Variants in DGKI observed in about 807,000 individuals in gnomAD.
DGKI encodes the protein DAG kinase iota.
Under a neutral mutation model 147.5 loss-of-function variants are expected in DGKI, and 55 were observed. The observed-to-expected ratio is 0.37, with a 90% CI of 0.30 to 0.47. The LOEUF (loss-of-function observed/expected upper bound fraction) is 0.47, where lower values mean the gene tolerates loss of function less well. Among genes scored for constraint, DGKI ranks in the 20% least tolerant of loss-of-function variants. DGKI has a pLI of 1.00. For synonymous variants in DGKI, 469 were observed against 477.1 expected, an observed-to-expected ratio of 0.98 and a Z score of 0.22; for missense variants, 1,007 against 1,323.8, an observed-to-expected ratio of 0.76 and a Z score of 3.71.
chr7:137,489,158 TGTGA>T (rs1189130801), intron 21 of DGKI, among the ~76,000 whole-genome samples: 1 of 152,164 alleles, frequency 6.6e-6, no homozygotes, highest in African/African-American at 2.4e-5. Flanking sequence ...TATGGAAGCC[TGTGA>T]GTGAGTGTGG....
chr7:137,469,457 T>A, intron 24 of DGKI, 93 bp downstream of exon 24: 1 of 1,301,586 alleles, frequency 7.7e-7, no homozygotes, highest in Non-Finnish European at 1.1e-6. Context: ...TTCTGAATAA[T>A]CTTTTGGAAA....
At chr7:137,552,125 G>T (rs538532160) in intron 20 of DGKI, among the ~76,000 whole-genome samples, 1 of 152,276 alleles carries the variant, frequency 6.6e-6, no homozygotes, top group South Asian at 2.1e-4. Flanking sequence ...TTCTCAAGTG[G>T]TCAGTGAAGA....
intron 5 of DGKI, among the ~76,000 whole-genome samples, chr7:137,646,139 T>A (rs189969508): frequency 1.8e-4 from 27 of 152,228 alleles, no homozygotes; most frequent in African/African-American, 6.0e-4. Context: ...ATATCCAGGT[T>A]CAATTTAACA....
At chr7:137,509,833 C>T (rs759058878) in intron 21 of DGKI, among the ~76,000 whole-genome samples, 27 of 152,172 alleles carry the variant, frequency 1.8e-4, no homozygotes, top group Non-Finnish European at 3.7e-4. Flanking sequence ...CCCATCGAAG[C>T]CCAGCCCACA....
intron 1 of DGKI, among the ~76,000 whole-genome samples, chr7:137,716,585 C>T (rs1018750344): frequency 1.3e-5 from 2 of 152,246 alleles, no homozygotes; most frequent in South Asian, 2.1e-4. Context: ...TAAAAGTAAA[C>T]AATAATGTAG....
chr7:137,581,261 C>T (rs1018876483), intron 15 of DGKI, among the ~76,000 whole-genome samples: 2 of 152,102 alleles, frequency 1.3e-5, no homozygotes, highest in Admixed American at 1.3e-4. Flanking sequence ...CTCATTCACA[C>T]CTCTGTATCA....
chr7:137,383,489 C>A lies in DGKI; in HGVS notation c.*7731G>T, dbSNP rs1448356306. 6.6e-6 allele frequency: 1 copy of A among 151,682 alleles called. No homozygotes were observed. Among genetic ancestry groups the A allele is most frequent in the Non-Finnish European group, 1.5e-5 (1 of 67,832 alleles). 9.4% of individuals were successfully genotyped at this position (151,682 alleles called of 1,614,324 possible). A position where few individuals can be genotyped will look rare whatever the true frequency, so the allele number is the denominator to read the frequency against. The stretch of plus-strand genomic sequence containing the variant: ...GAAAAAAATAGGCTCAAATTGAGTT[C>A]TGTTCCAGTCTAAAATTATAGACAT... On this transcript the variant is annotated 3_prime_UTR_variant, in exon 33 of 33. Transcript: ENST00000614521.
intron 1 of DGKI, among the ~76,000 whole-genome samples, chr7:137,824,643 A>G (rs1192464781): frequency 2.0e-5 from 3 of 152,074 alleles, no homozygotes; most frequent in Admixed American, 6.5e-5. Context: ...TTGGTTGTAC[A>G]GATTATTTTC....
chr7:137,513,005 A>T (rs1816628869), intron 21 of DGKI, among the ~76,000 whole-genome samples: 1 of 152,184 alleles, frequency 6.6e-6, no homozygotes, highest in South Asian at 2.1e-4. Context: ...GAATTCAATC[A>T]TCCATTTCCA....
chr7:137,553,660 T>C (rs557057762), intron 19 of DGKI, among the ~76,000 whole-genome samples: 1 of 152,350 alleles, frequency 6.6e-6, no homozygotes, highest in South Asian at 2.1e-4. Flanking sequence ...TTATACAGTT[T>C]AATAAATATT....
chr7:137,529,226 A>G (rs1169933951), intron 20 of DGKI, among the ~76,000 whole-genome samples: 1 of 152,188 alleles, frequency 6.6e-6, no homozygotes, highest in East Asian at 1.9e-4. Flanking sequence ...TAATGGGTAC[A>G]ACATATGCTA....
Position 137,383,421 on chromosome 7 carries a change from T to TA in DGKI, c.*7798dup, listed in dbSNP as rs1326182164. 1 of 151,746 alleles carries TA rather than the reference T, an allele frequency of 6.6e-6. No individual in the cohort carries two copies. The highest frequency in any genetic ancestry group is 1.5e-5 in the Non-Finnish European group (1 of 67,860). The allele number at this position is 151,746 out of a possible 1,614,324, so 9.4% of individuals were successfully genotyped here. A position where few individuals can be genotyped will look rare whatever the true frequency, so the allele number is the denominator to read the frequency against. On this transcript the variant is annotated 3_prime_UTR_variant, in exon 33 of 33. Transcript: ENST00000614521. ...ATATTTGCAATGATGGAAGCTTTTT[T>TA]AAAAAATGCCTTCATTGCTATCTAG...
chr7:137,541,791 C>T (rs978182856), intron 20 of DGKI, among the ~76,000 whole-genome samples: 2 of 151,498 alleles, frequency 1.3e-5, no homozygotes, highest in Non-Finnish European at 2.9e-5. Context: ...AAATAGAAAA[C>T]CTATAAAACT....
intron 12 of DGKI, among the ~76,000 whole-genome samples, chr7:137,590,073 A>C (rs1000049799): frequency 1.3e-5 from 2 of 152,142 alleles, no homozygotes; most frequent in African/African-American, 4.8e-5. Flanking sequence ...GGCCAGAAAA[A>C]AAATACAAAG....
At chr7:137,632,702 C>A (rs959878870) in intron 6 of DGKI, among the ~76,000 whole-genome samples, 5 of 151,634 alleles carry the variant, frequency 3.3e-5, no homozygotes, top group Non-Finnish European at 7.4e-5. Context: ...ACTAAAAATA[C>A]AAAAAAATTA....
chr7:137,838,869 A>G (rs1173923229), intron 1 of DGKI, among the ~76,000 whole-genome samples: 3 of 152,370 alleles, frequency 2.0e-5, no homozygotes, highest in East Asian at 3.9e-4. Flanking sequence ...CAGGGCAGGT[A>G]GCATCTGCGA....
At chr7:137,597,769 G>A (rs530073645) in intron 12 of DGKI, 78 bp downstream of exon 12, 4 of 1,350,840 alleles carry the variant, frequency 3.0e-6, no homozygotes, top group East Asian at 2.3e-5. Context: ...ACTGAGCAAC[G>A]AATAAAAAGA....
intron 21 of DGKI, among the ~76,000 whole-genome samples, chr7:137,494,047 A>G (rs147440491): frequency 6.6e-6 from 1 of 152,336 alleles, no homozygotes; most frequent in Non-Finnish European, 1.5e-5. Context: ...AGTTATTAAC[A>G]GCAGAATTGA....
rs1272509891 is a variant in DGKI at position 137,496,623 on chromosome 7, T to C, written c.2249-8934A>G. Among the ~76,000 whole-genome samples the C allele has an allele frequency of 2.0e-5, 3 of 151,618 alleles. No homozygotes were observed. In the East Asian group the frequency reaches 5.8e-4, roughly 29 times the overall value. ...ACAGACACAGACAAATCAAACAGAA[T>C]AGAGAGTGCAGAAATAGTGCCACAC... is the stretch of plus-strand genomic sequence containing the variant. On this transcript the variant is annotated intron_variant, in intron 21 of 32. Coordinates refer to ENST00000614521, the MANE Select transcript of DGKI (RefSeq NM_001321708.2).
Sources: gnomAD v4.1 joint callset for allele counts (sites outside exome capture counted in the v4.1 genomes callset) on GRCh38, gnomAD v4.1.1 for gene constraint, MANE v1.5 for transcripts, NCBI Gene and HGNC (gene_info 2026-07-23, HGNC 2026-07-21) for gene names.